CAP1: variants seen among roughly 807,000 people sequenced by gnomAD.
CAP1 encodes the protein adenylyl cyclase-associated protein 1.
In CAP1, 11 loss-of-function variants were observed where a neutral mutation model predicts 58.2. The ratio of observed to expected loss-of-function variants is 0.19; its 90% CI spans 0.12 to 0.31. The LOEUF (loss-of-function observed/expected upper bound fraction) is 0.31. CAP1 is among the 10% of genes least tolerant of loss of function. The pLI is 1.00. For synonymous variants in CAP1, 183 were observed against 213.8 expected (o/e 0.86, Z 1.26); for missense variants, 423 against 587.5 (o/e 0.72, Z 2.89).
intron 8 of CAP1, among the ~76,000 whole-genome samples, chr1:40,068,215 A>T (rs1258360751): frequency 6.6e-6 from 1 of 152,202 alleles, no homozygotes; most frequent in East Asian, 1.9e-4. Context: ...TAACAACCTA[A>T]ATCCAACTGT....
At position 40,071,530 on chromosome 1, in the gene CAP1, A is replaced by G; in HGVS notation, c.1425A>G (p.Gly475=). 1.2e-6 allele frequency: 2 copies of G among 1,609,480 alleles called. No homozygotes were observed. The highest frequency in any genetic ancestry group is 1.7e-6 in the Non-Finnish European group (2 of 1,175,818). The part of the protein sequence containing the change: ...KLVTTVTEIA[G] ...TCACCACAGTGACAGAAATTGCTGGATAAGCGAAGTGCCACTGGGTTCTTT... is the reference window on the plus strand; with the variant it reads ...TCACCACAGTGACAGAAATTGCTGGGTAAGCGAAGTGCCACTGGGTTCTTT... Residue 475 remains glycine, a synonymous_variant, in exon 13 of 13, where the codon GGA becomes GGG. Transcript: ENST00000372805.
rs11556942 is a variant in CAP1 at position 40,064,314 on chromosome 1, T to C, written c.382T>C (p.Phe128Leu). 4 of 1,614,178 alleles carry C rather than the reference T, an allele frequency of 2.5e-6. No individual in the cohort carries two copies. Among genetic ancestry groups the C allele is most frequent in the Non-Finnish European group, 3.4e-6 (4 of 1,180,008 alleles). Residue 128 changes from phenylalanine to leucine, a missense_variant, in exon 5 of 13, where the codon TTT (phenylalanine) becomes CTT (leucine). By Grantham distance (22) the Phe-to-Leu change is conservative. Coordinates refer to ENST00000372805, the MANE Select transcript of CAP1 (RefSeq NM_006367.4). ...FREKNRGSKLFNHLSAVSESI... is the reference protein window; with the variant it reads ...FREKNRGSKLLNHLSAVSESI... Reference sequence around the variant, plus strand: ...GGAGAAGAACCGAGGCAGCAAGTTGTTTAATCACCTGTCAGCTGTCAGCGA... The same window carrying C: ...GGAGAAGAACCGAGGCAGCAAGTTGCTTAATCACCTGTCAGCTGTCAGCGA...
rs762597793 is a variant in CAP1 at position 40,060,051 on chromosome 1, G to T, written c.113-16G>T. On this transcript the variant is annotated splice_polypyrimidine_tract_variant and intron_variant, in intron 2 of 12. Coordinates refer to ENST00000372805, the MANE Select transcript of CAP1 (RefSeq NM_006367.4). ...TCTGATGCATGGCTGATTCTTTGTG[G>T]TGTGTTTGTCTTTAGCAGGAGCAGC... The T allele has an allele frequency of 6.2e-7, 1 of 1,604,002 alleles. No individual in the cohort carries two copies. Among genetic ancestry groups the T allele is most frequent in the South Asian group, 1.1e-5 (1 of 90,626 alleles).
chr1:40,071,381 ATG>A, intron 12 of CAP1, 67 bp from the exon 13 acceptor site: 1 of 1,099,650 alleles, frequency 9.1e-7, no homozygotes, highest in Non-Finnish European at 1.4e-6. Flanking sequence ...ATTGGGAGAA[ATG>A]TGTGAGATTT....
At chr1:40,042,401 A>T (rs890877841) in intron 1 of CAP1, among the ~76,000 whole-genome samples, 10 of 152,152 alleles carry the variant, frequency 6.6e-5, no homozygotes, top group Non-Finnish European at 4.4e-5. Flanking sequence ...TGGGAGGCTA[A>T]CTCTTGAAAT....
intron 4 of CAP1, among the ~76,000 whole-genome samples, chr1:40,062,226 TCTC>T (rs1557688660): frequency 6.8e-5 from 1 of 14,794 alleles, no homozygotes; most frequent in Non-Finnish European, 2.2e-4. Context: ...TGGGAGACTC[TCTC>T]TTTAATTTTA....
At chr1:40,053,095 G>A (rs974315115) in intron 1 of CAP1, among the ~76,000 whole-genome samples, 1 of 152,142 alleles carries the variant, frequency 6.6e-6, no homozygotes, top group Non-Finnish European at 1.5e-5. Flanking sequence ...GTGGTGGCAG[G>A]TGCCTGTAGT....
At position 40,069,801 on chromosome 1, in the gene CAP1, C is replaced by T. The variant is rs1402318633; in HGVS notation, c.920C>T (p.Thr307Ile). 1.2e-6 allele frequency: 2 copies of T among 1,602,470 alleles called. No homozygotes were observed. Among genetic ancestry groups the T allele is most frequent in the African/African-American group, 2.7e-5 (2 of 74,656 alleles). Residue 307 changes from threonine to isoleucine, a missense_variant, in exon 9 of 13, where the codon ACC becomes ATC. Coordinates refer to ENST00000372805, the MANE Select transcript of CAP1 (RefSeq NM_006367.4). ...PKPFSAPKPQ[T>I]SPSPKRATKK... ...CCATTCTCTGCACCTAAACCCCAAA[C>T]CAGCCCATCCCCCAAACGAGCCACA...
intron 1 of CAP1, among the ~76,000 whole-genome samples, chr1:40,053,887 A>G (rs1646492155): frequency 6.6e-6 from 1 of 152,248 alleles, no homozygotes; most frequent in Non-Finnish European, 1.5e-5. Flanking sequence ...AAGCATTTAC[A>G]ACTATACAGA....
rs558895540 is a variant in CAP1 at position 40,058,183 on chromosome 1, A to C, written c.-10-1154A>C. Among the ~76,000 whole-genome samples, 5 of 152,242 alleles carry C rather than the reference A, an allele frequency of 3.3e-5. No homozygotes were observed. The East Asian group carries it at 9.6e-4, about 29-fold the overall frequency. On this transcript the variant is annotated intron_variant, in intron 1 of 12. Transcript: ENST00000372805. ...TAGTACTTGTGAAAGATCTATAACA[A>C]ATTCTTTTGGATGTGTCTAGTGTCC...
At chr1:40,056,830 A>G (rs1159256152) in intron 1 of CAP1, among the ~76,000 whole-genome samples, 1 of 152,194 alleles carries the variant, frequency 6.6e-6, no homozygotes, top group African/African-American at 2.4e-5. Context: ...TTCTCTACAC[A>G]CACATACAAT....
chr1:40,067,229 A>G (rs1647126913), intron 7 of CAP1: 1 of 295,830 alleles, frequency 3.4e-6, no homozygotes. Context: ...TCAGTTTTGA[A>G]TCTGTTGAAT....
chr1:40,072,058 T>A lies in CAP1; in HGVS notation c.*525T>A. 2.5e-6 allele frequency: 1 copy of A among 403,224 alleles called. No homozygotes were observed. Among genetic ancestry groups the A allele is most frequent in the Non-Finnish European group, 4.4e-6 (1 of 228,346 alleles). The allele number at this position is 403,224 out of a possible 1,614,324, so 25.0% of individuals were successfully genotyped here. A position where few individuals can be genotyped will look rare whatever the true frequency, so the allele number is the denominator to read the frequency against. On this transcript the variant is annotated 3_prime_UTR_variant, in exon 13 of 13. Coordinates refer to ENST00000372805, the MANE Select transcript of CAP1 (RefSeq NM_006367.4). ...TGAGGCTTGGCCATCTAGCATTCCA[T>A]ACAAAATTGTTTCCTATAAGCATTC... is the stretch of plus-strand genomic sequence containing the variant.
chr1:40,045,347 C>T (rs1646043318), intron 1 of CAP1, among the ~76,000 whole-genome samples: 1 of 152,144 alleles, frequency 6.6e-6, no homozygotes. Context: ...GTCGATGGTA[C>T]ATGATAAGCA....
At chr1:40,068,211 C>T (rs1231820727) in intron 8 of CAP1, among the ~76,000 whole-genome samples, 1 of 152,186 alleles carries the variant, frequency 6.6e-6, no homozygotes. Flanking sequence ...GGTGTAACAA[C>T]CTAAATCCAA....
At chr1:40,059,489 T>G (rs746816093) in intron 2 of CAP1, 31 bp downstream of exon 2, 1 of 1,305,454 alleles carries the variant, frequency 7.7e-7, no homozygotes, top group Non-Finnish European at 1.1e-6. Context: ...CAGAATGCTT[T>G]CTTTGAGCGT....
chr1:40,065,793 A>G (rs1332027296), intron 6 of CAP1, among the ~76,000 whole-genome samples: 1 of 152,252 alleles, frequency 6.6e-6, no homozygotes, highest in African/African-American at 2.4e-5. Flanking sequence ...CTTAGTCTTT[A>G]GAGTTCCACA....
Position 40,053,148 on chromosome 1 carries a change from C to T in CAP1, c.-10-6189C>T, listed in dbSNP as rs150524213. Among the ~76,000 whole-genome samples, 120 of 152,214 alleles carry T rather than the reference C, an allele frequency of 7.9e-4. 1 individual carries two copies. Among genetic ancestry groups the T allele is most frequent in the African/African-American group, 2.5e-3 (105 of 41,536 alleles). On this transcript the variant is annotated intron_variant, in intron 1 of 12. Coordinates refer to ENST00000372805, the MANE Select transcript of CAP1 (RefSeq NM_006367.4). Reference sequence around the variant, plus strand: ...CTGAGGCAGGAGAATTGCTTGAACCCGGGAGGTGGAGGTTGCAGTGATCTG... The same window carrying T: ...CTGAGGCAGGAGAATTGCTTGAACCTGGGAGGTGGAGGTTGCAGTGATCTG...
chr1:40,063,924 C>T (rs1212565090), intron 4 of CAP1, among the ~76,000 whole-genome samples: 1 of 152,122 alleles, frequency 6.6e-6, no homozygotes, highest in African/African-American at 2.4e-5. Context: ...GAATGATGTC[C>T]TGAGTGTATG....
Sources: allele counts gnomAD v4.1 joint callset (sites outside exome capture counted in the v4.1 genomes callset), GRCh38; gene constraint gnomAD v4.1.1; transcripts MANE v1.5; gene names NCBI Gene and HGNC (gene_info 2026-07-23, HGNC 2026-07-21).